Variants in BANP observed in about 807,000 individuals in gnomAD.
BANP encodes BTG3 associated nuclear protein, also known as protein BANP.
In BANP, 11 loss-of-function variants were observed where a neutral mutation model predicts 68.1. The observed-to-expected ratio is 0.16, with a 90% confidence interval of 0.10 to 0.27. The LOEUF (loss-of-function observed/expected upper bound fraction) is 0.27. Among genes scored for constraint, BANP ranks in the 10% least tolerant of loss-of-function variants. The probability of loss-of-function intolerance (pLI) is 1.00; values close to 1 mark genes in which losing one functional copy is unlikely to be tolerated. For synonymous variants in BANP, 329 were observed against 303.2 expected (o/e 1.09, Z -0.88); for missense variants, 504 against 722.7 (o/e 0.70, Z 3.47).
chr16:88,010,821 C>G (rs1346847343), intron 6 of BANP, among the ~76,000 whole-genome samples: 1 of 152,098 alleles, frequency 6.6e-6, no homozygotes, highest in African/African-American at 2.4e-5. Context: ...GCCATTCGTG[C>G]ACGTGGAAAG....
intron 13 of BANP, among the ~76,000 whole-genome samples, chr16:88,073,785 G>C (rs901017897): frequency 6.6e-6 from 1 of 152,236 alleles, no homozygotes; most frequent in African/African-American, 2.4e-5. Context: ...TGCATTATAA[G>C]TTTCTGGTCA....
In BANP at chr16:88,003,027, C is replaced by G. The variant is rs892127721; in HGVS notation, c.363-1268C>G. Among the ~76,000 whole-genome samples, 1 of 152,164 alleles carries G rather than the reference C, an allele frequency of 6.6e-6. No homozygotes were observed. The highest frequency in any genetic ancestry group is 1.5e-5 in the Non-Finnish European group (1 of 68,038). On this transcript the variant is annotated intron_variant, in intron 4 of 13. Transcript: ENST00000682872. This position sits in a 1 kb window ranked among gnomAD's most constrained non-coding sequence, Gnocchi z 6.1. ...ACTTGGGGAACATACCAAGCTCGTG[C>G]AAGTCAGGTAGCCTCTCCAGTTCTA...
At chr16:88,050,757 C>T (rs144574348) in intron 11 of BANP, among the ~76,000 whole-genome samples, 6 of 152,182 alleles carry the variant, frequency 3.9e-5, no homozygotes, top group African/African-American at 1.2e-4. Context: ...GGTGCAGTCA[C>T]GGCTCACTGC....
At chr16:87,997,181 A>C (rs1280943053) in intron 4 of BANP, among the ~76,000 whole-genome samples, 1 of 151,400 alleles carries the variant, frequency 6.6e-6, no homozygotes, top group Non-Finnish European at 1.5e-5. Flanking sequence ...CTGGTCTTGA[A>C]CTCCTGGGCT....
Position 88,029,480 on chromosome 16 carries a change from T to G in BANP, c.1063+1830T>G, listed in dbSNP as rs112758914. Among the ~76,000 whole-genome samples, 188 of 150,164 alleles carry G rather than the reference T, an allele frequency of 1.3e-3. 2 individuals are homozygous for G. Among genetic ancestry groups the G allele is most frequent in the African/African-American group, 1.9e-3 (79 of 40,814 alleles). On this transcript the variant is annotated intron_variant, in intron 8 of 13. Transcript: ENST00000682872. The stretch of plus-strand genomic sequence containing the variant: ...AAAAAAATTAGCCGGGCGTGGTGGC[T>G]GGCGCCTGTAGTCCCAGCTACTCGG...
At chr16:88,020,264 G>A (rs910013769) in intron 7 of BANP, among the ~76,000 whole-genome samples, 6 of 152,224 alleles carry the variant, frequency 3.9e-5, no homozygotes, top group Admixed American at 3.3e-4. Context: ...AGGAGTCAGC[G>A]CATGGTCGTG....
chr16:87,964,196 A>T (rs912690266), intron 1 of BANP, among the ~76,000 whole-genome samples: 1 of 152,244 alleles, frequency 6.6e-6, no homozygotes, highest in Admixed American at 6.5e-5. Flanking sequence ...GACATTCATC[A>T]TTGTGCATTG....
intron 1 of BANP, among the ~76,000 whole-genome samples, chr16:87,964,387 G>A (rs894539647): frequency 1.3e-5 from 2 of 152,272 alleles, no homozygotes; most frequent in Non-Finnish European, 2.9e-5. Context: ...TAGTAAGTCA[G>A]ACAGTAGAGC....
intron 7 of BANP, among the ~76,000 whole-genome samples, chr16:88,026,956 A>G (rs1192070460): frequency 1.3e-5 from 2 of 152,040 alleles, no homozygotes; most frequent in African/African-American, 4.8e-5. Context: ...GGAGCCCAGG[A>G]GGGCGGGAGG....
chr16:88,027,124 G>A (rs1413848638), intron 7 of BANP, among the ~76,000 whole-genome samples: 1 of 152,258 alleles, frequency 6.6e-6, no homozygotes, highest in African/African-American at 2.4e-5. Flanking sequence ...GGGTGCTGCT[G>A]TGAGCTCAGG....
At chr16:87,959,701 G>A (rs1197143480) in intron 1 of BANP, among the ~76,000 whole-genome samples, 2 of 152,130 alleles carry the variant, frequency 1.3e-5, no homozygotes, top group Admixed American at 1.3e-4. Flanking sequence ...GTGGCAGAGG[G>A]GCGATGCCAC....
intron 4 of BANP, among the ~76,000 whole-genome samples, chr16:87,990,290 A>G (rs969892665): frequency 6.6e-6 from 1 of 152,186 alleles, no homozygotes; most frequent in African/African-American, 2.4e-5. Context: ...CTTCTGTATA[A>G]GACTAGTTCT....
At chr16:88,015,202 GC>G (rs1186045216) in intron 6 of BANP, among the ~76,000 whole-genome samples, 6 of 140,250 alleles carry the variant, frequency 4.3e-5, no homozygotes, top group Admixed American at 7.2e-5. Context: ...TGCTCCTTCT[GC>G]CCATCCCTCT....
intron 11 of BANP, among the ~76,000 whole-genome samples, chr16:88,038,578 C>T (rs979639833): frequency 1.3e-5 from 2 of 152,036 alleles, no homozygotes; most frequent in African/African-American, 2.4e-5. Flanking sequence ...GGTTTCGCTC[C>T]TGTGTATTGC....
intron 11 of BANP, among the ~76,000 whole-genome samples, chr16:88,050,820 TG>T (rs2083083767): frequency 6.6e-6 from 1 of 152,126 alleles, no homozygotes; most frequent in African/African-American, 2.4e-5. Flanking sequence ...CCCGAGTAGC[TG>T]GGACTACAGG....
intron 1 of BANP, among the ~76,000 whole-genome samples, chr16:87,962,538 G>A (rs1287601478): frequency 1.3e-5 from 2 of 152,176 alleles, no homozygotes; most frequent in Non-Finnish European, 2.9e-5. Context: ...TTAGAGCCTA[G>A]ACGCTTCTTA....
rs780892785 is a variant in BANP at position 88,033,185 on chromosome 16, G to A, written c.1140G>A (p.Ala380=). Residue 380 remains alanine, a synonymous_variant, in exon 9 of 14, where the codon GCG becomes GCA. Coordinates refer to ENST00000682872, the MANE Select transcript of BANP (RefSeq NM_001386991.1). ...PQPQPQALHY[A]LANAQQVQIH... is the part of the protein sequence containing the mutation. The stretch of plus-strand genomic sequence containing the variant: ...CGCAGCCGCAGGCCCTGCACTACGC[G>A]CTGGCCAACGCACAGCAGGTGCAGA... The A allele has an allele frequency of 2.4e-5, 39 of 1,611,066 alleles. No homozygotes were observed. Among genetic ancestry groups the A allele is most frequent in the South Asian group, 1.2e-4 (11 of 90,808 alleles).
chr16:88,059,962 G>A (rs775520649), intron 11 of BANP, among the ~76,000 whole-genome samples: 1 of 152,258 alleles, frequency 6.6e-6, no homozygotes, highest in African/African-American at 2.4e-5. Context: ...CAGGAGGGCT[G>A]AGGTTGGCAC....
Position 88,016,941 on chromosome 16 carries a change from G to A in BANP, c.656-1487G>A, listed in dbSNP as rs1018567691. Among the ~76,000 whole-genome samples, 14 of 152,320 alleles carry A rather than the reference G, an allele frequency of 9.2e-5. No homozygotes were observed. In the East Asian group the frequency reaches 9.6e-4, roughly 10 times the overall value. Reference sequence around the variant, plus strand: ...AGCCCAGCCACACTGGCCTGCCCCTGTGACAATGTGTGTTTGAAGACAGGG... The same window carrying A: ...AGCCCAGCCACACTGGCCTGCCCCTATGACAATGTGTGTTTGAAGACAGGG... On this transcript the variant is annotated intron_variant, in intron 6 of 13. Transcript: ENST00000682872.
Sources: gnomAD v4.1 joint callset for allele counts (sites outside exome capture counted in the v4.1 genomes callset) on GRCh38, gnomAD v4.1.1 for gene constraint, Gnocchi (gnomAD v3.1) non-coding constraint, MANE v1.5 for transcripts, NCBI Gene and HGNC (gene_info 2026-07-23, HGNC 2026-07-21) for gene names.